Variants in DENND1A observed in about 807,000 individuals in gnomAD.
DENND1A encodes the protein DENN domain containing 1A, also known as DENN domain-containing protein 1A.
A neutral mutation model predicts 113.7 loss-of-function variants in DENND1A; 51 were observed. The observed-to-expected ratio is 0.45, with a 90% CI of 0.36 to 0.57. The LOEUF (loss-of-function observed/expected upper bound fraction) is 0.57, where lower values mean the gene tolerates loss of function less well. Among genes scored for constraint, DENND1A ranks in the 20% least tolerant of loss-of-function variants. The pLI is 0.00. For missense variants in DENND1A, 1,258 were observed against 1,395.9 expected (o/e 0.90, Z 1.57); for synonymous variants, 565 against 570.8 (o/e 0.99, Z 0.14).
At chr9:123,677,470 G>C (rs1220917336) in intron 5 of DENND1A, among the ~76,000 whole-genome samples, 1 of 152,170 alleles carries the variant, frequency 6.6e-6, no homozygotes, top group Non-Finnish European at 1.5e-5. Context: ...GTCTCACTCT[G>C]TCACCCAGGC....
intron 21 of DENND1A, among the ~76,000 whole-genome samples, chr9:123,388,890 G>A (rs1454207215): frequency 2.6e-5 from 4 of 152,158 alleles, no homozygotes; most frequent in East Asian, 1.9e-4. Context: ...GAGCAGACCC[G>A]GGGTGTTCCA....
At chr9:123,496,524 C>T (rs889117857) in intron 13 of DENND1A, among the ~76,000 whole-genome samples, 17 of 152,132 alleles carry the variant, frequency 1.1e-4, no homozygotes, top group African/African-American at 4.1e-4. Flanking sequence ...GCGAGACTCC[C>T]CAGTCCTGAG....
intron 5 of DENND1A, among the ~76,000 whole-genome samples, chr9:123,737,563 T>C (rs1021280114): frequency 5.3e-5 from 8 of 152,162 alleles, no homozygotes; most frequent in African/African-American, 1.9e-4. Context: ...AGCTTAGTTG[T>C]GTTTGGAAAA....
At chr9:123,698,070 T>C (rs1014274411) in intron 5 of DENND1A, among the ~76,000 whole-genome samples, 2 of 152,140 alleles carry the variant, frequency 1.3e-5, no homozygotes, top group Admixed American at 6.5e-5. Context: ...TATCATATCA[T>C]ACAGAATAAG....
intron 20 of DENND1A, among the ~76,000 whole-genome samples, chr9:123,410,414 C>T (rs2044213078): frequency 1.3e-5 from 2 of 152,194 alleles, no homozygotes; most frequent in African/African-American, 4.8e-5. Flanking sequence ...TATTCTAGCT[C>T]CTTGCCAGCT....
At chr9:123,395,100 T>C (rs2043047356) in intron 21 of DENND1A, among the ~76,000 whole-genome samples, 1 of 151,958 alleles carries the variant, frequency 6.6e-6, no homozygotes, top group Non-Finnish European at 1.5e-5. Context: ...AGTTGAGAAA[T>C]GGCGATGTGG....
Position 123,555,377 on chromosome 9 carries a change from G to A in DENND1A, c.993+2193C>T, listed in dbSNP as rs149890462. Among the ~76,000 whole-genome samples the A allele has an allele frequency of 2.2e-3, 334 of 152,234 alleles. 2 individuals are homozygous for A. Among genetic ancestry groups the A allele is most frequent in the African/African-American group, 7.7e-3 (318 of 41,532 alleles). On this transcript the variant is annotated intron_variant, in intron 13 of 23. Transcript: ENST00000394215. ...CTCTTAGCGTAGCATCCAAGGCTCC[G>A]CCAAATTTGGCTCTATCCTCTCCTG...
chr9:123,640,561 C>A (rs948444146), intron 9 of DENND1A, among the ~76,000 whole-genome samples: 9 of 152,214 alleles, frequency 5.9e-5, no homozygotes, highest in Admixed American at 5.9e-4. Flanking sequence ...GCTATTACGA[C>A]GATCCTAATA....
At chr9:123,631,493 C>G (rs1407206442) in intron 9 of DENND1A, among the ~76,000 whole-genome samples, 2 of 152,144 alleles carry the variant, frequency 1.3e-5, no homozygotes, top group African/African-American at 4.8e-5. Flanking sequence ...CCTTAATTTT[C>G]TTTGAATTTC....
At chr9:123,782,116 G>A (rs552771784) in intron 3 of DENND1A, among the ~76,000 whole-genome samples, 2 of 152,030 alleles carry the variant, frequency 1.3e-5, no homozygotes, top group African/African-American at 4.8e-5. Flanking sequence ...TAAGGGGTAG[G>A]GGATATTTCT....
intron 13 of DENND1A, among the ~76,000 whole-genome samples, chr9:123,465,096 G>T (rs917975691): frequency 1.3e-5 from 2 of 150,436 alleles, no homozygotes; most frequent in Non-Finnish European, 2.9e-5. Context: ...CAGGAGAATC[G>T]CTTGAACCCG....
In DENND1A at chr9:123,921,579, C is replaced by T. The variant is rs78152733; in HGVS notation, c.17+8310G>A. 4.4e-3 allele frequency among the ~76,000 whole-genome samples: 676 copies of T among 152,260 alleles called. 8 individuals carry two copies. The highest frequency in any genetic ancestry group is 0.014 in the African/African-American group (595 of 41,552). Reference sequence around the variant, plus strand: ...GAATTCAAAAGGTGGTTTTTCTTTTCCCCCTCTCTAAATCTACCATGAACA... The same window carrying T: ...GAATTCAAAAGGTGGTTTTTCTTTTTCCCCTCTCTAAATCTACCATGAACA... On this transcript the variant is annotated intron_variant, in intron 1 of 23. Coordinates refer to ENST00000394215, the MANE Select transcript of DENND1A (RefSeq NM_001352964.2).
At chr9:123,823,204 A>C (rs1202383853) in intron 2 of DENND1A, among the ~76,000 whole-genome samples, 1 of 152,214 alleles carries the variant, frequency 6.6e-6, no homozygotes, top group African/African-American at 2.4e-5. Context: ...AAGAAAAAGC[A>C]CAGCATGCTT....
At chr9:123,748,273 A>G (rs948106203) in intron 5 of DENND1A, among the ~76,000 whole-genome samples, 1 of 152,230 alleles carries the variant, frequency 6.6e-6, no homozygotes, top group African/African-American at 2.4e-5. Context: ...ACCCTTAGTC[A>G]TTATCAGCAT....
intron 2 of DENND1A, among the ~76,000 whole-genome samples, chr9:123,854,206 G>GC (rs2133188781): frequency 6.6e-6 from 1 of 152,198 alleles, no homozygotes; most frequent in South Asian, 2.1e-4. Flanking sequence ...AACCTTGCTG[G>GC]TCTCTCAACA....
intron 1 of DENND1A, among the ~76,000 whole-genome samples, chr9:123,884,004 T>C (rs909577723): frequency 2.6e-5 from 4 of 152,212 alleles, no homozygotes; most frequent in African/African-American, 9.7e-5. Context: ...ACAAGTTATG[T>C]AACATACCAA....
intron 13 of DENND1A, among the ~76,000 whole-genome samples, chr9:123,506,505 C>T (rs954037641): frequency 4.8e-5 from 6 of 124,514 alleles, no homozygotes; most frequent in Non-Finnish European, 9.5e-5. Context: ...TCAATTGAAC[C>T]AGGGAGGCGG....
At chr9:123,414,014 C>T in intron 19 of DENND1A, 1 of 989,706 alleles carries the variant, frequency 1.0e-6, no homozygotes, top group Non-Finnish European at 1.2e-6. Context: ...TCTTCTCCAG[C>T]CCCACTGTCT....
At chr9:123,760,282 T>C (rs753087999) in intron 4 of DENND1A, among the ~76,000 whole-genome samples, 10 of 152,216 alleles carry the variant, frequency 6.6e-5, no homozygotes, top group Non-Finnish European at 1.5e-4. Flanking sequence ...TTTTCAAAGA[T>C]AGGGTAGACT....
Sources: gnomAD v4.1 joint callset for allele counts (sites outside exome capture counted in the v4.1 genomes callset) on GRCh38, gnomAD v4.1.1 for gene constraint, MANE v1.5 for transcripts, NCBI Gene and HGNC (gene_info 2026-07-23, HGNC 2026-07-21) for gene names.